Variants in EPHA3 observed in about 807,000 individuals in gnomAD.
EPHA3 encodes EPH receptor A3.
In EPHA3, 42 loss-of-function variants were observed where a neutral mutation model predicts 107.1. The observed-to-expected ratio is 0.39, with a 90% confidence interval of 0.31 to 0.51. EPHA3 has a LOEUF of 0.51. Among genes scored for constraint, EPHA3 ranks in the 20% least tolerant of loss-of-function variants. EPHA3 has a pLI of 0.78. For synonymous variants in EPHA3, 461 were observed against 424.8 expected (o/e 1.09, Z -1.05); for missense variants, 1,183 against 1,211.2 (o/e 0.98, Z 0.35).
chr3:89,189,751 C>G (rs1487586410), intron 2 of EPHA3, among the ~76,000 whole-genome samples: 1 of 152,124 alleles, frequency 6.6e-6, no homozygotes, highest in East Asian at 1.9e-4. Flanking sequence ...CTTTCATTTG[C>G]AATATTTTTT....
At chr3:89,357,703 T>C (rs573778744) in intron 5 of EPHA3, among the ~76,000 whole-genome samples, 2 of 151,482 alleles carry the variant, frequency 1.3e-5, no homozygotes, top group African/African-American at 4.8e-5. Flanking sequence ...AAAAGGTTTT[T>C]CATAGTTGAT....
intron 3 of EPHA3, among the ~76,000 whole-genome samples, chr3:89,289,937 G>A (rs556221604): frequency 6.6e-6 from 1 of 152,184 alleles, no homozygotes; most frequent in Admixed American, 6.5e-5. Context: ...TAGGTTTCTG[G>A]GTTGTGAACA....
At chr3:89,390,562 C>G (rs866122079) in intron 5 of EPHA3, among the ~76,000 whole-genome samples, 5 of 149,320 alleles carry the variant, frequency 3.3e-5, no homozygotes, top group African/African-American at 1.2e-4. Context: ...ATCGTGCCAC[C>G]GCACTCCAGC....
chr3:89,344,307 T>G (rs1028811300), intron 5 of EPHA3, among the ~76,000 whole-genome samples: 1 of 152,132 alleles, frequency 6.6e-6, no homozygotes, highest in Non-Finnish European at 1.5e-5. Context: ...TAAATGAGAT[T>G]GATGCTTTGG....
At chr3:89,233,938 G>A (rs1704693256) in intron 3 of EPHA3, among the ~76,000 whole-genome samples, 1 of 152,148 alleles carries the variant, frequency 6.6e-6, no homozygotes, top group Non-Finnish European at 1.5e-5. Context: ...TATCCTTTGT[G>A]AAGGCAGGAA....
At chr3:89,189,290 T>C (rs1705645507) in intron 2 of EPHA3, among the ~76,000 whole-genome samples, 1 of 152,208 alleles carries the variant, frequency 6.6e-6, no homozygotes. Flanking sequence ...AATCCTAATA[T>C]AATGTTGAAA....
chr3:89,337,603 G>A (rs1707423747), intron 3 of EPHA3, among the ~76,000 whole-genome samples: 1 of 152,200 alleles, frequency 6.6e-6, no homozygotes, highest in African/African-American at 2.4e-5. Context: ...AAGCCTATCA[G>A]CTAGTTATCA....
chr3:89,413,358 G>C, intron 10 of EPHA3, 92 bp downstream of exon 10: 1 of 1,487,038 alleles, frequency 6.7e-7, no homozygotes, highest in Non-Finnish European at 9.3e-7. Flanking sequence ...AAAGAAATGG[G>C]AATTTTCTGA....
chr3:89,264,293 A>G (rs1462934094), intron 3 of EPHA3, among the ~76,000 whole-genome samples: 2 of 152,148 alleles, frequency 1.3e-5, no homozygotes, highest in African/African-American at 2.4e-5. Context: ...ACTGGAAGGA[A>G]TAAAGGAGCT....
intron 3 of EPHA3, among the ~76,000 whole-genome samples, chr3:89,278,851 T>C (rs972587698): frequency 6.6e-6 from 1 of 152,116 alleles, no homozygotes; most frequent in African/African-American, 2.4e-5. Context: ...AAAAAGAGGA[T>C]AGATTTCATT....
intron 15 of EPHA3, among the ~76,000 whole-genome samples, chr3:89,468,880 GAAT>G (rs1710344272): frequency 2.6e-5 from 4 of 152,052 alleles, no homozygotes; most frequent in South Asian, 4.2e-4. Flanking sequence ...CTTAGGAAAA[GAAT>G]AAAAATACAA....
chr3:89,191,726 G>A (rs1197047944), intron 2 of EPHA3, among the ~76,000 whole-genome samples: 1 of 152,096 alleles, frequency 6.6e-6, no homozygotes, highest in Non-Finnish European at 1.5e-5. Context: ...TCTCTGAAAT[G>A]ACTGATTCAT....
intron 13 of EPHA3, 67 bp from the exon 14 acceptor site, chr3:89,449,158 A>G: frequency 7.4e-7 from 1 of 1,355,232 alleles, no homozygotes; most frequent in African/African-American, 1.5e-5. Context: ...CCGGTTTCAG[A>G]TTATGTTATG....
intron 1 of EPHA3, among the ~76,000 whole-genome samples, chr3:89,114,555 C>G (rs1398505406): frequency 6.6e-6 from 1 of 152,196 alleles, no homozygotes; most frequent in Non-Finnish European, 1.5e-5. Context: ...CTCTCCGCGC[C>G]TGGCTGCCCA....
At position 89,192,016 on chromosome 3, in the gene EPHA3, G is replaced by C. The variant is rs544496850; in HGVS notation, c.154-17844G>C. Among the ~76,000 whole-genome samples, 10 of 152,154 alleles carry C rather than the reference G, an allele frequency of 6.6e-5. No individual in the cohort carries two copies. The East Asian group carries it at 1.3e-3, about 21-fold the overall frequency. The stretch of plus-strand genomic sequence containing the variant: ...TTGTCTCGCCCTAGTGTGTGACTTC[G>C]GGACCTTCCTTAATCTTTTGGCAGC... On this transcript the variant is annotated intron_variant, in intron 2 of 16. Transcript: ENST00000336596.
chr3:89,117,546 T>C (rs773289124), intron 1 of EPHA3, among the ~76,000 whole-genome samples: 4 of 152,100 alleles, frequency 2.6e-5, no homozygotes, highest in Non-Finnish European at 4.4e-5. Context: ...ATCTAACTAA[T>C]CCTCTGGGTA....
intron 3 of EPHA3, among the ~76,000 whole-genome samples, chr3:89,211,739 TC>T (rs1559602907): frequency 9.7e-5 from 4 of 41,364 alleles, no homozygotes; most frequent in Admixed American, 3.7e-4. Context: ...TTCTTCTTCT[TC>T]TCCTTCTTCT....
At chr3:89,196,650 C>T (rs1340140074) in intron 2 of EPHA3, among the ~76,000 whole-genome samples, 1 of 148,062 alleles carries the variant, frequency 6.8e-6, no homozygotes, top group African/African-American at 2.7e-5. Context: ...CATCCTCCTT[C>T]TTCCTCCTCA....
intron 11 of EPHA3, among the ~76,000 whole-genome samples, chr3:89,423,280 T>C (rs1300029611): frequency 6.6e-6 from 1 of 151,370 alleles, no homozygotes; most frequent in Admixed American, 6.6e-5. Context: ...AACTTATCTG[T>C]AGTGGCATGA....
Sources: gnomAD v4.1 joint callset for allele counts (sites outside exome capture counted in the v4.1 genomes callset) on GRCh38, gnomAD v4.1.1 for gene constraint, MANE v1.5 for transcripts, NCBI Gene and HGNC (gene_info 2026-07-23, HGNC 2026-07-21) for gene names.